Variants in SPAST observed in about 807,000 individuals in gnomAD.
The protein encoded by SPAST is spastin, also known as spastic paraplegia 4 (autosomal dominant; spastin).
Under a neutral mutation model 76.6 loss-of-function variants are expected in SPAST, and 30 were observed. The ratio of observed to expected loss-of-function variants is 0.39; its 90% CI spans 0.29 to 0.53. The LOEUF (loss-of-function observed/expected upper bound fraction) is 0.53. Ranked by LOEUF, SPAST falls within the 20% of genes least tolerant of loss-of-function variation. The pLI, the probability that SPAST is intolerant of heterozygous loss-of-function variation, is 0.68. For missense variants in SPAST, 717 were observed against 770.5 expected, an observed-to-expected ratio of 0.93 and a Z score of 0.82; for synonymous variants, 305 against 281.0, an observed-to-expected ratio of 1.09 and a Z score of -0.86.
chr2:32,144,041 A>G (rs999312522), intron 14 of SPAST, among the ~76,000 whole-genome samples: 13 of 152,198 alleles, frequency 8.5e-5, no homozygotes, highest in African/African-American at 2.9e-4. Context: ...AACAGTGTGA[A>G]GTAGAAACTG....
intron 9 of SPAST, chr2:32,129,137 T>C (rs1278985935): frequency 1.3e-5 from 2 of 152,474 alleles, no homozygotes; most frequent in Admixed American, 1.3e-4. Context: ...TCAAGTAAAG[T>C]GGATTTTATC....
At position 32,156,902 on chromosome 2, in the gene SPAST, T is replaced by G. The variant is rs1680272281; in HGVS notation, c.*2406T>G. 6.6e-6 allele frequency: 1 copy of G among 152,210 alleles called. No individual in the cohort carries two copies. Among genetic ancestry groups the G allele is most frequent in the South Asian group, 2.1e-4 (1 of 4,836 alleles). 9.4% of individuals were successfully genotyped at this position (152,210 alleles called of 1,614,324 possible). On this transcript the variant is annotated 3_prime_UTR_variant, in exon 17 of 17. Transcript: ENST00000315285. Reference sequence around the variant, plus strand: ...TTGCTTTCCTGATCAAGTCTGAACTTCAGCTAGTGCTAGAGAACTATTTTC... The same window carrying G: ...TTGCTTTCCTGATCAAGTCTGAACTGCAGCTAGTGCTAGAGAACTATTTTC...
At position 32,147,330 on chromosome 2, in the gene SPAST, ATG is replaced by A. The variant is rs151273719; in HGVS notation, c.1728+85_1728+86del. On this transcript the variant is annotated intron_variant, in intron 16 of 16. Coordinates refer to ENST00000315285, the MANE Select transcript of SPAST (RefSeq NM_014946.4). Reference sequence around the variant, plus strand: ...ACATATATAAGACATACATATATGAATGTGTGTGTGTGTGGTTTTTTTTTTTT... The same window carrying A: ...ACATATATAAGACATACATATATGAATGTGTGTGTGTGGTTTTTTTTTTTT... 9,082 of 585,884 alleles carry A rather than the reference ATG, an allele frequency of 0.016. 214 individuals are homozygous for A. Among genetic ancestry groups the A allele is most frequent in the African/African-American group, 0.034 (1,632 of 47,520 alleles). The allele number at this position is 585,884 out of a possible 1,614,324, so 36.3% of individuals were successfully genotyped here. A position where few individuals can be genotyped will look rare whatever the true frequency, so the allele number is the denominator to read the frequency against.
At chr2:32,078,430 C>T (rs1445830826) in intron 1 of SPAST, among the ~76,000 whole-genome samples, 1 of 152,198 alleles carries the variant, frequency 6.6e-6, no homozygotes. Context: ...CCCTCCTTAG[C>T]CTCCCAAAGT....
chr2:32,088,822 C>T (rs907571897), intron 2 of SPAST, among the ~76,000 whole-genome samples: 1 of 152,008 alleles, frequency 6.6e-6, no homozygotes, highest in Non-Finnish European at 1.5e-5. Flanking sequence ...GTTATAACAA[C>T]AATATTAATA....
chr2:32,092,876 A>T (rs1358994118), intron 3 of SPAST, among the ~76,000 whole-genome samples: 1 of 151,990 alleles, frequency 6.6e-6, no homozygotes, highest in Non-Finnish European at 1.5e-5. Context: ...GGCTGGTGGT[A>T]CGCACCTGTA....
intron 4 of SPAST, among the ~76,000 whole-genome samples, chr2:32,114,056 G>A (rs559622594): frequency 6.6e-6 from 1 of 152,020 alleles, no homozygotes; most frequent in East Asian, 1.9e-4. Context: ...CAATTCTCCT[G>A]CCTCAGCCTC....
chr2:32,095,192 G>A (rs1318847376), intron 3 of SPAST, among the ~76,000 whole-genome samples: 4 of 152,140 alleles, frequency 2.6e-5, no homozygotes, highest in Non-Finnish European at 5.9e-5. Flanking sequence ...ATAGTTGAAG[G>A]TCGAACAACT....
chr2:32,105,114 C>T (rs1014615073), intron 4 of SPAST, among the ~76,000 whole-genome samples: 4 of 152,182 alleles, frequency 2.6e-5, no homozygotes, highest in African/African-American at 9.7e-5. Flanking sequence ...TTGGTCTTTT[C>T]ACATAGTCCT....
At chr2:32,099,030 G>C in intron 4 of SPAST, 139 bp downstream of exon 4, 3 of 705,962 alleles carry the variant, frequency 4.2e-6, no homozygotes, top group Admixed American at 4.2e-5. Flanking sequence ...TGAAAATATA[G>C]TACCTTTATC....
chr2:32,097,074 T>C (rs1677943243), intron 3 of SPAST, among the ~76,000 whole-genome samples: 1 of 152,222 alleles, frequency 6.6e-6, no homozygotes, highest in East Asian at 1.9e-4. Context: ...AGAGTTAATA[T>C]ATAGGTGCTG....
At chr2:32,068,272 C>T (rs1356666287) in intron 1 of SPAST, among the ~76,000 whole-genome samples, 1 of 151,888 alleles carries the variant, frequency 6.6e-6, no homozygotes, top group Non-Finnish European at 1.5e-5. Flanking sequence ...GCCACCGCGC[C>T]CGGCACATAT....
chr2:32,107,743 ATCTTT>A (rs1370526880), intron 4 of SPAST, among the ~76,000 whole-genome samples: 3 of 152,138 alleles, frequency 2.0e-5, no homozygotes, highest in African/African-American at 4.8e-5. Context: ...TCAACCCATA[ATCTTT>A]TCTTTTCTGT....
At chr2:32,149,340 C>T (rs1170761750) in intron 16 of SPAST, among the ~76,000 whole-genome samples, 1 of 149,846 alleles carries the variant, frequency 6.7e-6, no homozygotes, top group South Asian at 2.1e-4. Flanking sequence ...CTCAGGCGAT[C>T]GCCAGCCTCG....
At chr2:32,138,403 T>C (rs1016887161) in intron 12 of SPAST, among the ~76,000 whole-genome samples, 4 of 152,320 alleles carry the variant, frequency 2.6e-5, no homozygotes, top group Non-Finnish European at 4.4e-5. Flanking sequence ...AGATATCTCA[T>C]TGTGATTTTG....
intron 16 of SPAST, among the ~76,000 whole-genome samples, chr2:32,147,849 T>C (rs576754636): frequency 6.2e-4 from 93 of 151,168 alleles, no homozygotes; most frequent in Non-Finnish European, 1.2e-3. Flanking sequence ...GCCAGGATGG[T>C]CTCTGTCTCC....
chr2:32,072,984 C>G (rs949480419), intron 1 of SPAST, among the ~76,000 whole-genome samples: 1 of 152,152 alleles, frequency 6.6e-6, no homozygotes, highest in Admixed American at 6.6e-5. Flanking sequence ...ATAAACATTT[C>G]ACATTTTTTC....
rs1195993407 is a variant in SPAST, at chr2:32,063,805, T to TGGC, written c.-17_-15dup. On this transcript the variant is annotated 5_prime_UTR_variant, in exon 1 of 17. Transcript: ENST00000315285. ...CCGTCGGTCTGCGGGAGGCGGGTTA[T>TGGC]GGCGGCGGCGGCAGTGAGAGCTGTG... 4.5e-6 allele frequency: 7 copies of TGGC among 1,551,506 alleles called. No homozygotes were observed. Among genetic ancestry groups the TGGC allele is most frequent in the Admixed American group, 3.8e-5 (2 of 52,388 alleles).
chr2:32,078,463 A>G (rs1255967122), intron 1 of SPAST, among the ~76,000 whole-genome samples: 1 of 152,172 alleles, frequency 6.6e-6, no homozygotes, highest in African/African-American at 2.4e-5. Flanking sequence ...GGTGTGAGCC[A>G]CTGTGCCCGG....
Sources: gnomAD v4.1 joint callset for allele counts (sites outside exome capture counted in the v4.1 genomes callset) on GRCh38, gnomAD v4.1.1 for gene constraint, MANE v1.5 for transcripts, NCBI Gene and HGNC (gene_info 2026-07-23, HGNC 2026-07-21) for gene names.